The following METTL15 variants were observed in gnomAD, a reference collection of about 807,000 sequenced individuals.
METTL15 encodes the protein 12S rRNA N(4)-cytidine methyltransferase METTL15.
A neutral mutation model predicts 38.3 loss-of-function variants in METTL15; 34 were observed. That is an observed-to-expected ratio of 0.89 (90% CI 0.68 to 1.18). The LOEUF (loss-of-function observed/expected upper bound fraction) is 1.18, where lower values mean the gene tolerates loss of function less well. METTL15 is among the 50% of genes most tolerant of loss of function. The probability of loss-of-function intolerance (pLI) is 0.00; values close to 1 mark genes in which losing one functional copy is unlikely to be tolerated. For missense variants in METTL15, 438 were observed against 498.4 expected (o/e 0.88, Z 1.15); for synonymous variants, 162 against 170.9 (o/e 0.95, Z 0.41).
chr11:28,166,732 C>G (rs547110370), intron 3 of METTL15, among the ~76,000 whole-genome samples: 1 of 152,062 alleles, frequency 6.6e-6, no homozygotes, highest in African/African-American at 2.4e-5. Context: ...GGCAGATCAC[C>G]TGAGGTCAGG....
intron 6 of METTL15, among the ~76,000 whole-genome samples, chr11:28,440,046 G>C (rs557145985): frequency 6.6e-6 from 1 of 152,184 alleles, no homozygotes; most frequent in Non-Finnish European, 1.5e-5. Flanking sequence ...CCCAGGCTAA[G>C]ACCCTGACTG....
At chr11:28,342,126 AAGAC>A (rs766722849) in intron 3 of METTL15, among the ~76,000 whole-genome samples, 3 of 152,216 alleles carry the variant, frequency 2.0e-5, no homozygotes, top group African/African-American at 4.8e-5. Context: ...GGAAAATAAA[AAGAC>A]AGGAGTTGGA....
At chr11:28,298,312 C>G (rs1409429018) in intron 6 of METTL15, among the ~76,000 whole-genome samples, 1 of 151,988 alleles carries the variant, frequency 6.6e-6, no homozygotes, top group Non-Finnish European at 1.5e-5. Flanking sequence ...GAAAGAAAAG[C>G]AGTGAGAAGT....
chr11:28,512,294 A>G (rs1851681363), intron 6 of METTL15, among the ~76,000 whole-genome samples: 1 of 152,236 alleles, frequency 6.6e-6, no homozygotes, highest in South Asian at 2.1e-4. Flanking sequence ...GCACCGGGGC[A>G]GCAGGTGGAG....
Position 28,113,509 on chromosome 11 carries a change from A to C in METTL15, c.175A>C (p.Arg59=), listed in dbSNP as rs772392253. 23 of 1,613,474 alleles carry C rather than the reference A, an allele frequency of 1.4e-5. No individual in the cohort carries two copies. The South Asian group carries it at 2.2e-4, about 15-fold the overall frequency. Residue 59 remains arginine (R), a synonymous_variant, in exon 3 of 7, where the codon AGA becomes CGA. Coordinates refer to ENST00000407364, the MANE Select transcript of METTL15 (RefSeq NM_001113528.2). ...TDQTQAQELH[R]SQDRDFETMA... is the part of the protein sequence containing the mutation. ...TCAAACTCAAGCCCAGGAGTTACACAGATCTCAAGATAGAGATTTTGAAAC... is the reference window on the plus strand; with the variant it reads ...TCAAACTCAAGCCCAGGAGTTACACCGATCTCAAGATAGAGATTTTGAAAC...
chr11:28,153,508 G>A (rs1850164076), intron 3 of METTL15, among the ~76,000 whole-genome samples: 1 of 152,222 alleles, frequency 6.6e-6, no homozygotes, highest in South Asian at 2.1e-4. Flanking sequence ...ATATTCTAAT[G>A]TGTGATTTAC....
chr11:28,446,321 C>A (rs1032653136), intron 6 of METTL15, among the ~76,000 whole-genome samples: 1 of 152,054 alleles, frequency 6.6e-6, no homozygotes, highest in African/African-American at 2.4e-5. Flanking sequence ...TTAAAGCCCT[C>A]CAGGGAAAGT....
chr11:28,348,829 A>T (rs868705518), intron 3 of METTL15, among the ~76,000 whole-genome samples: 38 of 152,258 alleles, frequency 2.5e-4, no homozygotes, highest in African/African-American at 4.1e-4. Context: ...ACTGGGAGCC[A>T]GTTCCTTCAA....
chr11:28,138,560 A>G (rs1245793589), intron 3 of METTL15, among the ~76,000 whole-genome samples: 1 of 152,214 alleles, frequency 6.6e-6, no homozygotes, highest in African/African-American at 2.4e-5. Flanking sequence ...AAAATCTAGA[A>G]TCTTTAAAGG....
chr11:28,225,154 C>G (rs1475587910), intron 4 of METTL15, among the ~76,000 whole-genome samples: 4 of 151,562 alleles, frequency 2.6e-5, no homozygotes, highest in African/African-American at 9.7e-5. Context: ...TAAATTCTAT[C>G]TTGGGATTTA....
At chr11:28,320,075 A>T (rs573785704) in intron 6 of METTL15, among the ~76,000 whole-genome samples, 2 of 152,274 alleles carry the variant, frequency 1.3e-5, no homozygotes, top group South Asian at 4.1e-4. Flanking sequence ...TGTATTCAGA[A>T]ATGTTTTAAT....
intron 4 of METTL15, among the ~76,000 whole-genome samples, chr11:28,227,830 C>T (rs1853543244): frequency 6.6e-6 from 1 of 151,908 alleles, no homozygotes; most frequent in African/African-American, 2.4e-5. Flanking sequence ...CTAGGAATTG[C>T]TGCTGTATCT....
chr11:28,506,101 A>T (rs1298677996), intron 6 of METTL15, among the ~76,000 whole-genome samples: 1 of 152,168 alleles, frequency 6.6e-6, no homozygotes, highest in Non-Finnish European at 1.5e-5. Flanking sequence ...TACCTTTTGG[A>T]GTTTAATAGA....
At chr11:28,375,116 T>C (rs1234923396) in intron 5 of METTL15, among the ~76,000 whole-genome samples, 1 of 149,296 alleles carries the variant, frequency 6.7e-6, no homozygotes, top group African/African-American at 2.5e-5. Context: ...AGGATATTGG[T>C]CTAAAATTCT....
chr11:28,250,065 TA>T (rs1854672933), intron 4 of METTL15, among the ~76,000 whole-genome samples: 1 of 152,228 alleles, frequency 6.6e-6, no homozygotes, highest in East Asian at 1.9e-4. Context: ...TATTCTTTTT[TA>T]TGGCTGCATA....
At chr11:28,525,813 G>C (rs1373043255) in intron 6 of METTL15, among the ~76,000 whole-genome samples, 2 of 152,256 alleles carry the variant, frequency 1.3e-5, no homozygotes, top group African/African-American at 4.8e-5. Flanking sequence ...CTCAGCCTTT[G>C]GGTGGTGGAT....
intron 3 of METTL15, among the ~76,000 whole-genome samples, chr11:28,209,968 T>C (rs191644546): frequency 6.6e-6 from 1 of 152,124 alleles, no homozygotes; most frequent in African/African-American, 2.4e-5. Context: ...ATAACACCAA[T>C]GAAGTTTACT....
intron 4 of METTL15, among the ~76,000 whole-genome samples, chr11:28,245,665 G>A (rs1006797775): frequency 6.6e-6 from 1 of 152,090 alleles, no homozygotes; most frequent in Non-Finnish European, 1.5e-5. Flanking sequence ...CCTGAGACTT[G>A]GTAATTTATG....
chr11:28,462,924 T>C (rs1564938198), intron 6 of METTL15, among the ~76,000 whole-genome samples: 1 of 152,104 alleles, frequency 6.6e-6, no homozygotes, highest in Non-Finnish European at 1.5e-5. Context: ...TTTTGAAACA[T>C]ATTTTAGAGG....
Sources: gnomAD v4.1 joint callset for allele counts (sites outside exome capture counted in the v4.1 genomes callset) on GRCh38, gnomAD v4.1.1 for gene constraint, MANE v1.5 for transcripts, NCBI Gene and HGNC (gene_info 2026-07-23, HGNC 2026-07-21) for gene names.